Variants in COL14A1 observed in about 807,000 individuals in gnomAD.
COL14A1 encodes collagen alpha-1(XIV) chain.
Under a neutral mutation model 230.3 loss-of-function variants are expected in COL14A1, and 136 were observed. The observed-to-expected ratio is 0.59, with a 90% CI of 0.51 to 0.68. The LOEUF (loss-of-function observed/expected upper bound fraction) is 0.68. COL14A1 is among the 30% of genes least tolerant of loss of function. The probability of loss-of-function intolerance (pLI) is 0.00; values close to 1 mark genes in which losing one functional copy is unlikely to be tolerated. For synonymous variants in COL14A1, 792 were observed against 784.1 expected, an observed-to-expected ratio of 1.01 and a Z score of -0.17; for missense variants, 1,976 against 2,215.8, an observed-to-expected ratio of 0.89 and a Z score of 2.17.
intron 1 of COL14A1, 126 bp from the exon 2 acceptor site, chr8:120,147,680 A>G: frequency 1.9e-6 from 1 of 538,070 alleles, no homozygotes; most frequent in South Asian, 2.4e-5. Flanking sequence ...GAAATGCACG[A>G]TGCTCTAGGG....
intron 5 of COL14A1, among the ~76,000 whole-genome samples, chr8:120,172,438 A>T (rs1816123947): frequency 6.6e-6 from 1 of 152,160 alleles, no homozygotes; most frequent in Non-Finnish European, 1.5e-5. Flanking sequence ...GGCATGAGCC[A>T]CCGCAGCCGG....
At chr8:120,214,717 A>C (rs1817697926) in intron 13 of COL14A1, among the ~76,000 whole-genome samples, 1 of 152,064 alleles carries the variant, frequency 6.6e-6, no homozygotes, top group Admixed American at 6.6e-5. Flanking sequence ...AAATTATCTA[A>C]CCCCCTGAGA....
chr8:120,130,968 T>C (rs1435974003), intron 1 of COL14A1, among the ~76,000 whole-genome samples: 2 of 152,196 alleles, frequency 1.3e-5, no homozygotes, highest in Non-Finnish European at 2.9e-5. Context: ...GAATATGTGG[T>C]ACTTGGTTTT....
intron 42 of COL14A1, among the ~76,000 whole-genome samples, chr8:120,332,980 A>G (rs535433704): frequency 1.3e-5 from 2 of 152,340 alleles, no homozygotes; most frequent in Admixed American, 6.5e-5. Flanking sequence ...ATATGTTTCT[A>G]TTGCTTGCTA....
chr8:120,319,498 C>T (rs1821360222), intron 40 of COL14A1, among the ~76,000 whole-genome samples: 1 of 152,090 alleles, frequency 6.6e-6, no homozygotes, highest in South Asian at 2.1e-4. Flanking sequence ...CTCTTATTGA[C>T]AGCCACAAAC....
intron 17 of COL14A1, among the ~76,000 whole-genome samples, chr8:120,227,917 A>G (rs1818148206): frequency 6.6e-6 from 1 of 152,214 alleles, no homozygotes; most frequent in South Asian, 2.1e-4. Context: ...GCAGCCAGAA[A>G]GTTTATTGAA....
intron 26 of COL14A1, 79 bp from the exon 27 acceptor site, chr8:120,278,032 C>T: frequency 8.0e-7 from 1 of 1,247,260 alleles, no homozygotes; most frequent in Admixed American, 2.8e-5. Flanking sequence ...ATTAAAACTA[C>T]AGGTGACACT....
chr8:120,355,431 G>T (rs539348675), intron 45 of COL14A1, among the ~76,000 whole-genome samples: 35 of 151,018 alleles, frequency 2.3e-4, no homozygotes, highest in African/African-American at 8.5e-4. Context: ...TTGGAGACAG[G>T]GTCTTGCTTT....
intron 33 of COL14A1, among the ~76,000 whole-genome samples, chr8:120,287,520 A>G (rs141538800): frequency 1.3e-5 from 2 of 152,352 alleles, no homozygotes; most frequent in Admixed American, 6.5e-5. Context: ...TGGTTTAGGC[A>G]TGAACTTGTA....
At chr8:120,338,194 T>G (rs376710217) in intron 42 of COL14A1, among the ~76,000 whole-genome samples, 16 of 152,160 alleles carry the variant, frequency 1.1e-4, no homozygotes, top group African/African-American at 3.9e-4. Context: ...AAAATAGATT[T>G]TAAAAAAACG....
At chr8:120,341,473 A>G in intron 43 of COL14A1, 113 bp downstream of exon 43, 1 of 1,148,250 alleles carries the variant, frequency 8.7e-7, no homozygotes, top group Non-Finnish European at 1.3e-6. Context: ...CAATTGTACC[A>G]GTCTCTGTTT....
Position 120,343,342 on chromosome 8 carries a change from C to G in COL14A1, c.4888+896C>G, listed in dbSNP as rs543107088. On this transcript the variant is annotated intron_variant, in intron 44 of 47. Transcript: ENST00000297848. ...CTCTCACCCAATAGCACCCCCACTT[C>G]CAGGGCTGACATTACCCAGGTGGGT... Among the ~76,000 whole-genome samples, 64 of 152,310 alleles carry G rather than the reference C, an allele frequency of 4.2e-4. 2 individuals carry two copies. In the South Asian group the frequency reaches 0.011, roughly 26 times the overall value.
intron 22 of COL14A1, among the ~76,000 whole-genome samples, chr8:120,254,962 A>T (rs1819095618): frequency 1.3e-5 from 2 of 152,194 alleles, no homozygotes; most frequent in African/African-American, 4.8e-5. Context: ...ACTGCACTCC[A>T]GCCTGGGCTA....
chr8:120,283,590 T>C (rs1820104659), intron 31 of COL14A1, 46 bp from the exon 32 acceptor site: 1 of 1,546,350 alleles, frequency 6.5e-7, no homozygotes, highest in Non-Finnish European at 8.7e-7. Context: ...GGAGTAACTT[T>C]TTTGAGGAAG....
In COL14A1 at chr8:120,199,597, A is replaced by T. The variant is rs750873735; in HGVS notation, c.877+31A>T. 2.3e-5 allele frequency: 36 copies of T among 1,594,060 alleles called. 1 individual carries two copies. In the South Asian group the frequency reaches 4.0e-4, roughly 18 times the overall value. On this transcript the variant is annotated intron_variant, in intron 8 of 47. Coordinates refer to ENST00000297848, the MANE Select transcript of COL14A1 (RefSeq NM_021110.4). ...TGCTCTTTATAGTCTTGTTTCAACTAAGGGCATAGACCCACAACCACTTAA... is the reference window on the plus strand; with the variant it reads ...TGCTCTTTATAGTCTTGTTTCAACTTAGGGCATAGACCCACAACCACTTAA...
intron 24 of COL14A1, among the ~76,000 whole-genome samples, chr8:120,264,927 A>G (rs79283227): frequency 0.02 from 2,976 of 152,268 alleles, 95 homozygotes; most frequent in African/African-American, 0.068. Flanking sequence ...GCACTGGTTA[A>G]CTGCTAACCT....
At chr8:120,191,339 A>G (rs1816816654) in intron 5 of COL14A1, among the ~76,000 whole-genome samples, 2 of 152,096 alleles carry the variant, frequency 1.3e-5, no homozygotes, top group African/African-American at 4.8e-5. Context: ...TTCAGTTTCC[A>G]TGTAGTTCAG....
intron 20 of COL14A1, among the ~76,000 whole-genome samples, chr8:120,245,528 G>T (rs1818734863): frequency 6.6e-6 from 1 of 152,188 alleles, no homozygotes; most frequent in Non-Finnish European, 1.5e-5. Flanking sequence ...CTTGCATAAA[G>T]ACTGCTCTAG....
chr8:120,158,692 A>AT (rs1301901030), intron 3 of COL14A1, among the ~76,000 whole-genome samples: 3 of 152,146 alleles, frequency 2.0e-5, no homozygotes, highest in African/African-American at 7.2e-5. Context: ...AGTTGAACAC[A>AT]TTTTTTGATC....
Sources: gnomAD v4.1 joint callset for allele counts (sites outside exome capture counted in the v4.1 genomes callset) on GRCh38, gnomAD v4.1.1 for gene constraint, MANE v1.5 for transcripts, NCBI Gene and HGNC (gene_info 2026-07-23, HGNC 2026-07-21) for gene names.